The following MACF1 variants were observed in gnomAD, a reference collection of about 807,000 sequenced individuals.
The protein encoded by MACF1 is microtubule-actin cross-linking factor 1.
Under a neutral mutation model 854.8 loss-of-function variants are expected in MACF1, and 193 were observed. The observed-to-expected ratio is 0.23, with a 90% confidence interval of 0.20 to 0.25. The LOEUF is 0.25. Among genes scored for constraint, MACF1 ranks in the 10% least tolerant of loss-of-function variants. MACF1 has a pLI of 1.00. For synonymous variants in MACF1, 3,185 were observed against 3,226.7 expected (o/e 0.99, Z 0.44); for missense variants, 7,722 against 8,929.1 (o/e 0.86, Z 5.45).
chr1:39,191,566 A>G (rs1644255656), intron 2 of MACF1, among the ~76,000 whole-genome samples: 1 of 152,198 alleles, frequency 6.6e-6, no homozygotes, highest in Non-Finnish European at 1.5e-5. Flanking sequence ...ATGGATGGAC[A>G]GATACTTAAG....
chr1:39,398,132 G>A (rs1162286991), intron 58 of MACF1, among the ~76,000 whole-genome samples: 2 of 147,414 alleles, frequency 1.4e-5, no homozygotes, highest in South Asian at 2.1e-4. Context: ...CCCACTCCCC[G>A]CCACTCCTTT....
rs762144539 is a variant in MACF1 at position 39,385,638 on chromosome 1, A to C, written c.14053A>C (p.Ser4685Arg). The change falls in exon 57 of 101, where the codon AGC becomes CGC. Residue 4685 changes from serine (S) to arginine (R), a missense_variant. By Grantham distance (110) the Ser-to-Arg change is moderately radical. Coordinates refer to ENST00000564288, the MANE Select transcript of MACF1 (RefSeq NM_001394062.1). Reference sequence around the variant, plus strand: ...CCAAATTGACCAAGCTATTGTTAAGAGCACCCAGTACCAGGAACTGCTCCA... The same window carrying C: ...CCAAATTGACCAAGCTATTGTTAAGCGCACCCAGTACCAGGAACTGCTCCA... ...SSQIDQAIVK[S>R]TQYQELLQDL... 4 of 1,614,156 alleles carry C rather than the reference A, an allele frequency of 2.5e-6. No individual in the cohort carries two copies.
chr1:39,203,717 C>CT (rs57249417), upstream of MACF1, among the ~76,000 whole-genome samples: 4,715 of 152,100 alleles, frequency 0.031, 237 homozygotes, highest in African/African-American at 0.11. Context: ...TTGTGTTTGG[C>CT]TTTTTTTATG....
intron 49 of MACF1, among the ~76,000 whole-genome samples, chr1:39,363,766 C>T (rs1169334421): frequency 6.6e-6 from 1 of 152,024 alleles, no homozygotes; most frequent in South Asian, 2.1e-4. Context: ...GTGCCTGCCA[C>T]GATGCCTGGG....
In MACF1 at chr1:39,371,521, G is replaced by T. The variant is rs537415818; in HGVS notation, c.13096-958G>T. Among the ~76,000 whole-genome samples the T allele has an allele frequency of 2.4e-4, 36 of 152,158 alleles. 1 individual carries two copies. The highest frequency in any genetic ancestry group is 8.7e-4 in the African/African-American group (36 of 41,522). On this transcript the variant is annotated intron_variant, in intron 51 of 100. Coordinates refer to ENST00000564288, the MANE Select transcript of MACF1 (RefSeq NM_001394062.1). The stretch of plus-strand genomic sequence containing the variant: ...TAGAATGGTGTCCTTTCTCTGAAAG[G>T]AGTAAAATCCTACAACTATGGCAGG...
Position 39,331,603 on chromosome 1 carries a change from T to C in MACF1, c.5015T>C (p.Leu1672Pro). Residue 1672 changes from leucine to proline, a missense_variant, in exon 37 of 101, where the codon CTG becomes CCG. Coordinates refer to ENST00000564288, the MANE Select transcript of MACF1 (RefSeq NM_001394062.1). ...SLSPSENCIN[L>P]EEAFHQGLIS... Reference sequence around the variant, plus strand: ...TCCCCTAGTGAGAACTGTATTAACCTGGAAGAGGCTTTTCATCAAGGCCTC... The same window carrying C: ...TCCCCTAGTGAGAACTGTATTAACCCGGAAGAGGCTTTTCATCAAGGCCTC... 1.2e-6 allele frequency: 2 copies of C among 1,614,186 alleles called. No individual in the cohort carries two copies. Among genetic ancestry groups the C allele is most frequent in the South Asian group, 1.1e-5 (1 of 91,076 alleles).
At chr1:39,284,634 T>TA (rs1645609967) in intron 11 of MACF1, among the ~76,000 whole-genome samples, 1 of 152,216 alleles carries the variant, frequency 6.6e-6, no homozygotes, top group Non-Finnish European at 1.5e-5. Context: ...TTAAAGGGCT[T>TA]ATTGAAAAAT....
At chr1:39,150,116 C>G (rs1643547637) in intron 2 of MACF1, among the ~76,000 whole-genome samples, 2 of 152,008 alleles carry the variant, frequency 1.3e-5, no homozygotes, top group Admixed American at 1.3e-4. Context: ...CTCCTGCACT[C>G]AAGCAATCCT....
Position 39,331,490 on chromosome 1 carries a change from G to T in MACF1, c.4902G>T (p.Val1634=), listed in dbSNP as rs377764167. The part of the protein sequence containing the change: ...RLTESRGPLS[V]VEAIEKRIIS... The stretch of plus-strand genomic sequence containing the variant: ...CTGAGAGCAGAGGCCCTCTTTCTGT[G>T]GTGGAAGCAATTGAAAAGAGAATAA... Residue 1634 remains valine (V), a synonymous_variant, in exon 37 of 101, where the codon GTG becomes GTT. Transcript: ENST00000564288. The T allele has an allele frequency of 1.6e-5, 26 of 1,613,976 alleles. No individual in the cohort carries two copies. The Middle Eastern group carries it at 6.6e-4, about 41-fold the overall frequency.
rs866695906 is a variant in MACF1 at position 39,331,612 on chromosome 1, C to T, written c.5024C>T (p.Ala1675Val). ...PSENCINLEE[A>V]FHQGLISAWL... ...GAGAACTGTATTAACCTGGAAGAGG[C>T]TTTTCATCAAGGCCTCATTTCTGCA... The change falls in exon 37 of 101, where the codon GCT (alanine) becomes GTT (valine). Residue 1675 changes from alanine (A) to valine (V), a missense_variant. Ala to Val is a moderately conservative substitution (Grantham distance 64). Around this residue, in one of 15 missense-constraint regions of MACF1, gnomAD observed 1,531 missense variants for 1,601.6 expected, o/e 0.96. Transcript: ENST00000564288. 1.2e-6 allele frequency: 2 copies of T among 1,614,048 alleles called. No individual in the cohort carries two copies. Among genetic ancestry groups the T allele is most frequent in the African/African-American group, 1.3e-5 (1 of 74,926 alleles).
In MACF1 at chr1:39,192,457, G is replaced by A. The variant is rs564992595; in HGVS notation, c.221-38725G>A. Among the ~76,000 whole-genome samples the A allele has an allele frequency of 5.9e-5, 9 of 152,300 alleles. No homozygotes were observed. The East Asian group carries it at 1.7e-3, about 29-fold the overall frequency. On this transcript the variant is annotated intron_variant, in intron 2 of 93. Transcript: ENST00000361689. ...TACTGACGATCCTGTTGAGGCAGCC[G>A]TGAAGCCAACCAACTTTATGGTGAT...
chr1:39,138,317 C>A (rs1228870839), intron 2 of MACF1, among the ~76,000 whole-genome samples: 1 of 151,732 alleles, frequency 6.6e-6, no homozygotes. Context: ...GACGCGGTGG[C>A]TCACGCCTGT....
At chr1:39,247,762 G>A (rs1206779079) in intron 2 of MACF1, among the ~76,000 whole-genome samples, 3 of 152,238 alleles carry the variant, frequency 2.0e-5, no homozygotes, top group Non-Finnish European at 4.4e-5. Context: ...GCCGGGTGTG[G>A]TGGCTCACGC....
chr1:39,247,227 C>T (rs1372984397), intron 2 of MACF1, among the ~76,000 whole-genome samples: 1 of 151,744 alleles, frequency 6.6e-6, no homozygotes, highest in East Asian at 1.9e-4. Context: ...CGCGCGCCAC[C>T]ATGCCCGGCT....
rs72926718 is a variant in MACF1, at chr1:39,301,036, T to G, written c.2634+674T>G. ...TCTCAAAAAAAATAAAAGGCATAAG[T>G]TTCTTTCACTTGGATTATTGTGTCA... On this transcript the variant is annotated intron_variant, in intron 22 of 100. Coordinates refer to ENST00000564288, the MANE Select transcript of MACF1 (RefSeq NM_001394062.1). Among the ~76,000 whole-genome samples, 1,012 of 152,292 alleles carry G rather than the reference T, an allele frequency of 6.6e-3. 13 individuals carry two copies. The highest frequency in any genetic ancestry group is 0.023 in the African/African-American group (964 of 41,558).
chr1:39,442,526 G>A lies in MACF1; in HGVS notation c.19063G>A (p.Gly6355Arg). ...GTTAGATGCTCAGAGACCAATAAGT[G>A]GAGACCCAAAAGTCATTGAAGTTGA... ...ELLDAQRPIS[G>R]DPKVIEVELA... Residue 6355 changes from glycine to arginine, a missense_variant, in exon 77 of 101, where the codon GGA (glycine) becomes AGA (arginine). Gly to Arg is a moderately radical substitution (Grantham distance 125, BLOSUM62 -2). Transcript: ENST00000564288. The A allele has an allele frequency of 6.2e-7, 1 of 1,614,148 alleles. No individual in the cohort carries two copies. The highest frequency in any genetic ancestry group is 2.2e-5 in the East Asian group (1 of 44,892).
At position 39,361,346 on chromosome 1, in the gene MACF1, G is replaced by T; in HGVS notation, c.12454-14G>T. ...AAGTGAACCAGGAGCTGACAGACGT[G>T]TTCTTCATGACAGAAATTGAAGCAG... On this transcript the variant is annotated splice_polypyrimidine_tract_variant and intron_variant, in intron 48 of 100. Transcript: ENST00000564288. 6.2e-7 allele frequency: 1 copy of T among 1,608,932 alleles called. No individual in the cohort carries two copies.
At chr1:39,349,718 G>A (rs538612238) in intron 42 of MACF1, 91 bp downstream of exon 42, 51 of 1,361,474 alleles carry the variant, frequency 3.7e-5, no homozygotes, top group African/African-American at 5.8e-5. Flanking sequence ...CTGCAGCTTC[G>A]ATCTCCTGGG....
chr1:39,157,080 C>T (rs1374760824), intron 2 of MACF1, among the ~76,000 whole-genome samples: 2 of 151,970 alleles, frequency 1.3e-5, no homozygotes, highest in African/African-American at 2.4e-5. Context: ...AGTGATCCTC[C>T]CACCTTAGCC....
Sources: gnomAD v4.1 joint callset for allele counts (sites outside exome capture counted in the v4.1 genomes callset) on GRCh38, gnomAD v4.1.1 for gene constraint, gnomAD v4.1.1 regional missense constraint, MANE v1.5 for transcripts, NCBI Gene and HGNC (gene_info 2026-07-23, HGNC 2026-07-21) for gene names.